PCDH7: variants seen among roughly 807,000 people sequenced by gnomAD.
The protein encoded by PCDH7 is protocadherin-7.
PCDH7 carries 17 observed loss-of-function variants against 58.9 expected under a neutral mutation model. The ratio of observed to expected loss-of-function variants is 0.29; its 90% CI spans 0.20 to 0.43. The LOEUF (loss-of-function observed/expected upper bound fraction) is 0.43. Ranked by LOEUF, PCDH7 falls within the 20% of genes least tolerant of loss-of-function variation. The pLI is 1.00. For synonymous variants in PCDH7, 664 were observed against 616.4 expected, an observed-to-expected ratio of 1.08 and a Z score of -1.14; for missense variants, 1,274 against 1,441.0, an observed-to-expected ratio of 0.88 and a Z score of 1.88.
At chr4:31,055,401 G>A (rs1757071350) in intron 3 of PCDH7, among the ~76,000 whole-genome samples, 1 of 151,788 alleles carries the variant, frequency 6.6e-6, no homozygotes, top group Non-Finnish European at 1.5e-5. Context: ...GTGCATTTTG[G>A]CATCTACAAA....
At chr4:30,997,922 G>T (rs568196360) in intron 3 of PCDH7, among the ~76,000 whole-genome samples, 3 of 151,920 alleles carry the variant, frequency 2.0e-5, no homozygotes, top group Admixed American at 2.0e-4. Flanking sequence ...TGTGTGTGTG[G>T]AGGCTTCAGC....
intron 3 of PCDH7, among the ~76,000 whole-genome samples, chr4:31,073,272 T>A (rs951749436): frequency 1.8e-4 from 28 of 152,196 alleles, no homozygotes; most frequent in African/African-American, 6.3e-4. Context: ...ATTTGAATGT[T>A]AGAACCATTG....
intron 3 of PCDH7, among the ~76,000 whole-genome samples, chr4:31,119,345 G>A (rs1290209018): frequency 6.6e-6 from 1 of 152,066 alleles, no homozygotes; most frequent in Non-Finnish European, 1.5e-5. Flanking sequence ...TGTAACCATT[G>A]AGAGTCAAGG....
At chr4:30,908,240 T>C (rs369422655) in intron 1 of PCDH7, among the ~76,000 whole-genome samples, 3 of 42,952 alleles carry the variant, frequency 7.0e-5, no homozygotes, top group African/African-American at 5.4e-4. Flanking sequence ...ACTTAAAGAA[T>C]AATAAAAAAA....
chr4:30,824,884 T>C (rs4504214), intron 1 of PCDH7, among the ~76,000 whole-genome samples: 89,426 of 151,874 alleles, frequency 0.59, 27,084 homozygotes, highest in African/African-American at 0.74. Flanking sequence ...TTGCAGTAGA[T>C]GGTTTGGGAA....
chr4:31,140,561 T>C (rs1002936868), intron 3 of PCDH7, among the ~76,000 whole-genome samples: 2 of 150,844 alleles, frequency 1.3e-5, no homozygotes, highest in African/African-American at 2.4e-5. Context: ...TCTTACACTT[T>C]GCATTTCTAT....
At chr4:31,142,857 A>G in exon 4 of PCDH7, 2 of 1,354,054 alleles carry the variant, frequency 1.5e-6, no homozygotes, top group Non-Finnish European at 2.0e-6. Flanking sequence ...TAGGCTATAA[A>G]GGAGCAACAG....
chr4:30,824,070 C>T (rs541756805), intron 1 of PCDH7, among the ~76,000 whole-genome samples: 8 of 151,054 alleles, frequency 5.3e-5, no homozygotes, highest in Non-Finnish European at 1.2e-4. Context: ...GTAATTAAAG[C>T]GGGGTTTCTT....
intron 1 of PCDH7, among the ~76,000 whole-genome samples, chr4:30,773,541 G>T (rs888645921): frequency 6.6e-6 from 1 of 151,406 alleles, no homozygotes; most frequent in African/African-American, 2.4e-5. Context: ...GCACTCAGCT[G>T]CAAGAAATAG....
At chr4:30,902,222 C>T (rs1052714480) in intron 1 of PCDH7, among the ~76,000 whole-genome samples, 1 of 152,164 alleles carries the variant, frequency 6.6e-6, no homozygotes, top group Non-Finnish European at 1.5e-5. Context: ...TCATTATCCA[C>T]TGGAAAGGAT....
At chr4:31,131,286 A>T (rs1348776692) in intron 3 of PCDH7, among the ~76,000 whole-genome samples, 3 of 152,140 alleles carry the variant, frequency 2.0e-5, no homozygotes, top group Non-Finnish European at 2.9e-5. Flanking sequence ...AGGGAAAATC[A>T]ATGAAGTAAA....
At chr4:30,944,305 T>C (rs1423433517) in intron 2 of PCDH7, among the ~76,000 whole-genome samples, 3 of 152,118 alleles carry the variant, frequency 2.0e-5, no homozygotes, top group African/African-American at 7.2e-5. Flanking sequence ...TTTTTAAATA[T>C]AGTAATTTTC....
chr4:30,958,630 A>T (rs1748089551), intron 3 of PCDH7, among the ~76,000 whole-genome samples: 1 of 152,024 alleles, frequency 6.6e-6, no homozygotes, highest in African/African-American at 2.4e-5. Context: ...TAATATTTTA[A>T]CAAAATTAAT....
At chr4:30,958,187 T>C (rs1320990955) in intron 3 of PCDH7, among the ~76,000 whole-genome samples, 2 of 151,870 alleles carry the variant, frequency 1.3e-5, no homozygotes, top group African/African-American at 4.8e-5. Flanking sequence ...AGTAAGATAG[T>C]TTGCTGGTGG....
intron 1 of PCDH7, among the ~76,000 whole-genome samples, chr4:30,831,761 G>T (rs968994549): frequency 1.3e-5 from 2 of 152,064 alleles, no homozygotes; most frequent in Non-Finnish European, 2.9e-5. Flanking sequence ...TACTGAAACA[G>T]AATCTCATCT....
At chr4:31,115,090 C>T (rs185186652) in intron 3 of PCDH7, among the ~76,000 whole-genome samples, 2 of 152,278 alleles carry the variant, frequency 1.3e-5, no homozygotes, top group African/African-American at 2.4e-5. Context: ...CCTCCCTCCT[C>T]CACTTTCGCT....
In PCDH7 at chr4:30,770,597, A is replaced by G. The variant is rs114212282; in HGVS notation, c.70+46001A>G. ...GTAACAGTAACTGAATGCCTACATCATGCTAACTACTCTTCTAGCTTAGAA... is the reference window on the plus strand; with the variant it reads ...GTAACAGTAACTGAATGCCTACATCGTGCTAACTACTCTTCTAGCTTAGAA... On this transcript the variant is annotated intron_variant, in intron 1 of 3. Coordinates refer to the PCDH7 transcript ENST00000509759. Among the ~76,000 whole-genome samples the G allele has an allele frequency of 4.8e-3, 731 of 152,302 alleles. 5 individuals carry two copies. The highest frequency in any genetic ancestry group is 0.016 in the African/African-American group (667 of 41,570).
At chr4:31,026,308 T>C (rs894072152) in intron 3 of PCDH7, among the ~76,000 whole-genome samples, 1 of 152,226 alleles carries the variant, frequency 6.6e-6, no homozygotes, top group Non-Finnish European at 1.5e-5. Flanking sequence ...GTACCTTTGA[T>C]GTTTTTAAAT....
intron 3 of PCDH7, among the ~76,000 whole-genome samples, chr4:31,136,270 G>T (rs1719590359): frequency 1.3e-5 from 2 of 152,160 alleles, no homozygotes; most frequent in Admixed American, 1.3e-4. Flanking sequence ...GAGCTGTATA[G>T]ACATTAACTC....
Sources: allele counts gnomAD v4.1 joint callset (sites outside exome capture counted in the v4.1 genomes callset), GRCh38; gene constraint gnomAD v4.1.1; transcripts MANE v1.5; gene names NCBI Gene and HGNC (gene_info 2026-07-23, HGNC 2026-07-21).